TACC2: variants seen among roughly 807,000 people sequenced by gnomAD.
TACC2 encodes transforming acidic coiled-coil-containing protein 2.
Under a neutral mutation model 227.3 loss-of-function variants are expected in TACC2, and 137 were observed. The observed-to-expected ratio is 0.60, with a 90% CI of 0.52 to 0.69. The LOEUF (loss-of-function observed/expected upper bound fraction) is 0.69. Ranked by LOEUF, TACC2 falls within the 30% of genes least tolerant of loss-of-function variation. The probability of loss-of-function intolerance (pLI) is 0.00; values close to 1 mark genes in which losing one functional copy is unlikely to be tolerated. For missense variants in TACC2, 3,470 were observed against 3,694.4 expected, an observed-to-expected ratio of 0.94 and a Z score of 1.57; for synonymous variants, 1,523 against 1,487.5, an observed-to-expected ratio of 1.02 and a Z score of -0.55.
intron 3 of TACC2, among the ~76,000 whole-genome samples, chr10:122,065,676 C>T (rs1427018091): frequency 6.6e-6 from 1 of 152,098 alleles, no homozygotes; most frequent in Non-Finnish European, 1.5e-5. Context: ...ATTTTCTATC[C>T]ACTTGTTCAA....
At chr10:122,108,335 T>C (rs2083134507) in intron 5 of TACC2, among the ~76,000 whole-genome samples, 1 of 152,176 alleles carries the variant, frequency 6.6e-6, no homozygotes, top group Non-Finnish European at 1.5e-5. Context: ...CAAATGCCAT[T>C]ATTTTATTCC....
At chr10:122,131,792 C>A (rs1044209814) in intron 5 of TACC2, among the ~76,000 whole-genome samples, 2 of 151,802 alleles carry the variant, frequency 1.3e-5, no homozygotes. Context: ...GAGGCCAAGG[C>A]GGGCAGACCA....
chr10:122,171,250 G>A (rs185538074), intron 7 of TACC2, among the ~76,000 whole-genome samples: 3 of 151,862 alleles, frequency 2.0e-5, no homozygotes, highest in East Asian at 1.9e-4. Flanking sequence ...TTGCCTTTTC[G>A]TCTGCTTTCT....
chr10:122,156,156 T>G (rs2092459563), intron 7 of TACC2, among the ~76,000 whole-genome samples: 1 of 151,282 alleles, frequency 6.6e-6, no homozygotes, highest in Non-Finnish European at 1.5e-5. Context: ...AAAAACGTTT[T>G]TAAGACTTCA....
At chr10:122,146,466 T>C (rs1254770464) in intron 7 of TACC2, among the ~76,000 whole-genome samples, 2 of 152,112 alleles carry the variant, frequency 1.3e-5, no homozygotes, top group Non-Finnish European at 2.9e-5. Flanking sequence ...CACTCATGAA[T>C]GGGTTAATCC....
chr10:122,012,417 T>TCAAAAAAAAAAAAAAAAA (rs1359207187), intron 1 of TACC2, among the ~76,000 whole-genome samples: 41 of 27,292 alleles, frequency 1.5e-3, no homozygotes, highest in Non-Finnish European at 2.3e-3. Flanking sequence ...AGACTCCGTC[T>TCAAAAAAAAAAAAAAAAA]CAAAAAAAAA....
At chr10:122,082,592 G>T in intron 3 of TACC2, 55 bp from the exon 4 acceptor site, 1 of 1,550,410 alleles carries the variant, frequency 6.4e-7, no homozygotes, top group South Asian at 1.3e-5. Flanking sequence ...CCTGCCTGCA[G>T]TGTGGCTCTG....
In TACC2 at chr10:122,084,300, G is replaced by T; in HGVS notation, c.1800G>T (p.Gln600His). 1 of 1,613,998 alleles carries T rather than the reference G, an allele frequency of 6.2e-7. No homozygotes were observed. The highest frequency in any genetic ancestry group is 8.5e-7 in the Non-Finnish European group (1 of 1,180,052). Reference protein sequence around the residue: ...DPGNLQGEDSQAFSSKRDPEV... With the variant: ...DPGNLQGEDSHAFSSKRDPEV... ...GGAACCTGCAAGGAGAGGACTCTCA[G>T]GCTTTCAGCAGCAAGCGTGATCCAG... The change falls in exon 4 of 23, where the codon CAG becomes CAT. Residue 600 changes from glutamine to histidine, a missense_variant. Gln to His is a conservative substitution (Grantham distance 24). Around this residue, in one of 10 missense-constraint regions of TACC2, gnomAD observed 1,924 missense variants for 1,978.3 expected, o/e 0.97. Coordinates refer to ENST00000369005, the MANE Select transcript of TACC2 (RefSeq NM_206862.4).
chr10:122,127,078 AG>A, intron 5 of TACC2: 1 of 162,840 alleles, frequency 6.1e-6, no homozygotes, highest in Non-Finnish European at 1.3e-5. Flanking sequence ...TGAACTAGGA[AG>A]GGGTCCTCAT....
intron 7 of TACC2, among the ~76,000 whole-genome samples, chr10:122,156,316 C>T (rs570230472): frequency 3.8e-4 from 57 of 151,768 alleles, no homozygotes; most frequent in Middle Eastern, 3.2e-3. Context: ...CTCCGCTTCC[C>T]GGGTTCACAC....
chr10:122,169,405 G>T (rs1268543501), intron 7 of TACC2, among the ~76,000 whole-genome samples: 1 of 152,194 alleles, frequency 6.6e-6, no homozygotes, highest in Non-Finnish European at 1.5e-5. Context: ...TAAATTAAGG[G>T]AGCAGTAAAC....
At chr10:121,996,485 A>G (rs1953517370) in intron 1 of TACC2, among the ~76,000 whole-genome samples, 1 of 152,204 alleles carries the variant, frequency 6.6e-6, no homozygotes, top group South Asian at 2.1e-4. Flanking sequence ...CCCCACTTCC[A>G]ATGCTGGGGA....
At chr10:122,252,815 G>A (rs1418280225) in intron 22 of TACC2, among the ~76,000 whole-genome samples, 1 of 152,180 alleles carries the variant, frequency 6.6e-6, no homozygotes, top group Admixed American at 6.5e-5. Flanking sequence ...TTTAAGATTA[G>A]TGGTCAGTGC....
chr10:122,049,501 G>A (rs2075436304), intron 2 of TACC2, among the ~76,000 whole-genome samples: 1 of 152,170 alleles, frequency 6.6e-6, no homozygotes, highest in African/African-American at 2.4e-5. Context: ...TTTTCCATGA[G>A]AACCTCAGGG....
intron 6 of TACC2, among the ~76,000 whole-genome samples, chr10:122,138,352 G>A (rs1249601635): frequency 6.6e-6 from 1 of 152,062 alleles, no homozygotes; most frequent in Non-Finnish European, 1.5e-5. Context: ...TACTAAATAT[G>A]TAAAAAAATT....
At chr10:122,125,142 C>T (rs747853174) in intron 5 of TACC2, among the ~76,000 whole-genome samples, 2 of 152,138 alleles carry the variant, frequency 1.3e-5, no homozygotes, top group East Asian at 1.9e-4. Context: ...ATGTCATGCC[C>T]CCAGACTCTC....
rs745833341 is a variant in TACC2, at chr10:122,226,460, A to G, written c.7703A>G (p.Glu2568Gly). ...AAGTCATCTCCCGTCCGCATGTCAG[A>G]GTCCCCGACGCCGTGTTCAGGGTAT... ...PVKSSPVRMS[E>G]SPTPCSGSSF... The change falls in exon 13 of 23, where the codon GAG becomes GGG. Residue 2568 changes from glutamate (E) to glycine (G), a missense_variant. This residue lies in a region of TACC2 where 345 missense variants were observed against 354.4 expected (regional missense o/e 0.97). Coordinates refer to ENST00000369005, the MANE Select transcript of TACC2 (RefSeq NM_206862.4). 2 of 1,613,830 alleles carry G rather than the reference A, an allele frequency of 1.2e-6. No individual in the cohort carries two copies. The highest frequency in any genetic ancestry group is 1.7e-6 in the Non-Finnish European group (2 of 1,179,828).
intron 6 of TACC2, 43 bp downstream of exon 6, chr10:122,132,777 C>T: frequency 6.2e-7 from 1 of 1,607,054 alleles, no homozygotes; most frequent in Non-Finnish European, 8.5e-7. Context: ...CCTCAGGGCC[C>T]AATCCTTGAG....
chr10:122,102,875 A>G (rs1011741868), intron 5 of TACC2, among the ~76,000 whole-genome samples: 6 of 152,124 alleles, frequency 3.9e-5, no homozygotes, highest in Non-Finnish European at 8.8e-5. Flanking sequence ...CCTTGTGTAT[A>G]TTTTGGGTTC....
Sources: allele counts gnomAD v4.1 joint callset (sites outside exome capture counted in the v4.1 genomes callset), GRCh38; gene constraint gnomAD v4.1.1; regional missense constraint gnomAD v4.1.1; transcripts MANE v1.5; gene names NCBI Gene and HGNC (gene_info 2026-07-23, HGNC 2026-07-21).